EYA2: variants seen among roughly 807,000 people sequenced by gnomAD.
EYA2 encodes the protein protein phosphatase EYA2.
A neutral mutation model predicts 69.2 loss-of-function variants in EYA2; 31 were observed. The observed-to-expected ratio is 0.45, with a 90% CI of 0.34 to 0.60. The LOEUF (loss-of-function observed/expected upper bound fraction) is 0.60, where lower values mean the gene tolerates loss of function less well. Among genes scored for constraint, EYA2 ranks in the 20% least tolerant of loss-of-function variants. The pLI is 0.02. For missense variants in EYA2, 622 were observed against 701.2 expected (o/e 0.89, Z 1.28); for synonymous variants, 257 against 279.4 (o/e 0.92, Z 0.80).
At chr20:47,148,295 A>G (rs2033749878) in intron 10 of EYA2, among the ~76,000 whole-genome samples, 1 of 152,044 alleles carries the variant, frequency 6.6e-6, no homozygotes, top group Non-Finnish European at 1.5e-5. Flanking sequence ...CCCACCATCT[A>G]GGGCTGTAAG....
chr20:47,111,085 A>T (rs1048711236), intron 9 of EYA2, among the ~76,000 whole-genome samples: 1 of 152,360 alleles, frequency 6.6e-6, no homozygotes, highest in Non-Finnish European at 1.5e-5. Flanking sequence ...GCATTTTCCC[A>T]TTGACTCTGG....
chr20:47,091,027 A>G (rs1029203743), intron 8 of EYA2, among the ~76,000 whole-genome samples: 1 of 152,182 alleles, frequency 6.6e-6, no homozygotes, highest in Non-Finnish European at 1.5e-5. Flanking sequence ...CAGTTCAAGT[A>G]CACCAGCGTC....
intron 5 of EYA2, among the ~76,000 whole-genome samples, chr20:47,017,415 G>A (rs565207215): frequency 7.4e-4 from 113 of 152,234 alleles, no homozygotes; most frequent in Non-Finnish European, 1.1e-3. Context: ...ACAGCTGTGC[G>A]CTGCTGTACC....
At chr20:47,161,537 G>T (rs2034066066) in intron 10 of EYA2, 1 of 404,910 alleles carries the variant, frequency 2.5e-6, no homozygotes, top group Non-Finnish European at 4.8e-6. Context: ...CCAGCTTGGG[G>T]ATAGACGTCC....
rs113731599 is a variant in EYA2, at chr20:47,153,900, G to A, written c.978+10752G>A. ...AACTTGGCTGACTTTCCACTTCTTC[G>A]TCTGAACCAGATCTCAATAATAACT... On this transcript the variant is annotated intron_variant, in intron 10 of 15. Transcript: ENST00000327619. Among the ~76,000 whole-genome samples the A allele has an allele frequency of 1.9e-3, 292 of 152,068 alleles. 2 individuals are homozygous for A. Among genetic ancestry groups the A allele is most frequent in the African/African-American group, 6.8e-3 (282 of 41,536 alleles).
chr20:47,011,665 C>CT, intron 4 of EYA2, among the ~76,000 whole-genome samples: 1 of 151,960 alleles, frequency 6.6e-6, no homozygotes, highest in Non-Finnish European at 1.5e-5. Context: ...CCTTTGCTTC[C>CT]TTCAGGTCTT....
At chr20:46,984,912 A>G (rs1044648790) in intron 1 of EYA2, among the ~76,000 whole-genome samples, 2 of 152,236 alleles carry the variant, frequency 1.3e-5, no homozygotes, top group Non-Finnish European at 2.9e-5. Flanking sequence ...GTGGGTGTGC[A>G]GTATAGAATT....
At chr20:47,032,120 C>T (rs1442717367) in intron 5 of EYA2, among the ~76,000 whole-genome samples, 1 of 152,166 alleles carries the variant, frequency 6.6e-6, no homozygotes, top group Non-Finnish European at 1.5e-5. Flanking sequence ...AGAGGAGGCA[C>T]AGCCAGGACA....
chr20:47,143,280 A>G lies in EYA2; in HGVS notation c.978+132A>G, dbSNP rs563678714. On this transcript the variant is annotated intron_variant, in intron 10 of 15. Coordinates refer to ENST00000327619, the MANE Select transcript of EYA2 (RefSeq NM_005244.5). ...CTCCTTTTTCTTTTAGAAGCTTGAA[A>G]CTTTTGCTAACAACCCCCAAAAAGG... is the stretch of plus-strand genomic sequence containing the variant. 5.8e-4 allele frequency: 475 copies of G among 825,328 alleles called. 8 individuals are homozygous for G. The South Asian group carries it at 9.3e-3, about 16-fold the overall frequency. 51.1% of individuals were successfully genotyped at this position (825,328 alleles called of 1,614,324 possible). A position where few individuals can be genotyped will look rare whatever the true frequency, so the allele number is the denominator to read the frequency against.
At chr20:46,923,950 T>C (rs922723091) in intron 1 of EYA2, among the ~76,000 whole-genome samples, 2 of 152,158 alleles carry the variant, frequency 1.3e-5, no homozygotes, top group Non-Finnish European at 2.9e-5. Flanking sequence ...GAATCTTAAG[T>C]TGGTGCTGGA....
intron 5 of EYA2, among the ~76,000 whole-genome samples, chr20:47,059,918 C>G (rs920237424): frequency 6.0e-4 from 92 of 152,240 alleles, no homozygotes; most frequent in African/African-American, 2.2e-3. Context: ...ACTATTCTGT[C>G]TTCCTAGAGC....
In EYA2 at chr20:47,117,659, A is replaced by G. The variant is rs188046935; in HGVS notation, c.888+20491A>G. On this transcript the variant is annotated intron_variant, in intron 9 of 15. Coordinates refer to ENST00000327619, the MANE Select transcript of EYA2 (RefSeq NM_005244.5). Reference sequence around the variant, plus strand: ...TGAGAAGAAATAAAAAGAAAAAGAAAAAGAAAACCCGGTTTTATGACGCAG... The same window carrying G: ...TGAGAAGAAATAAAAAGAAAAAGAAGAAGAAAACCCGGTTTTATGACGCAG... 20 of 985,462 alleles carry G rather than the reference A, an allele frequency of 2.0e-5. No homozygotes were observed. The East Asian group carries it at 1.8e-3, about 89-fold the overall frequency. The allele number at this position is 985,462 out of a possible 1,614,324, so 61.0% of individuals were successfully genotyped here.
chr20:47,110,523 C>T (rs2032720596), intron 9 of EYA2, among the ~76,000 whole-genome samples: 1 of 152,178 alleles, frequency 6.6e-6, no homozygotes, highest in Non-Finnish European at 1.5e-5. Context: ...TGTCCGGCCG[C>T]TCCACTGCTC....
chr20:46,980,410 G>A (rs6124910), intron 1 of EYA2, among the ~76,000 whole-genome samples: 17,005 of 152,092 alleles, frequency 0.11, 1,541 homozygotes, highest in African/African-American at 0.24. Context: ...ATAATAAAAC[G>A]GTGTGGTTCG....
chr20:47,051,470 C>T (rs1214888578), intron 5 of EYA2, among the ~76,000 whole-genome samples: 5 of 152,172 alleles, frequency 3.3e-5, no homozygotes, highest in Admixed American at 1.3e-4. Flanking sequence ...AACAAGCCCC[C>T]GAGGCAGACA....
intron 12 of EYA2, among the ~76,000 whole-genome samples, chr20:47,173,734 T>G (rs771237582): frequency 2.0e-5 from 3 of 152,090 alleles, no homozygotes; most frequent in Non-Finnish European, 2.9e-5. Context: ...GAATCTGCAT[T>G]TTTGACAAGC....
At chr20:46,989,027 C>T (rs747266633) in intron 1 of EYA2, among the ~76,000 whole-genome samples, 3 of 151,990 alleles carry the variant, frequency 2.0e-5, no homozygotes, top group Non-Finnish European at 4.4e-5. Context: ...GGAGTGACTA[C>T]CAACATGGTG....
intron 9 of EYA2, among the ~76,000 whole-genome samples, chr20:47,100,201 T>C (rs2032385214): frequency 1.3e-5 from 2 of 152,268 alleles, no homozygotes; most frequent in African/African-American, 4.8e-5. Context: ...GATATTTCTC[T>C]TTGGCCCCCA....
chr20:47,042,147 C>T (rs1312430654), intron 5 of EYA2, among the ~76,000 whole-genome samples: 1 of 152,106 alleles, frequency 6.6e-6, no homozygotes, highest in Non-Finnish European at 1.5e-5. Flanking sequence ...TCCAGGTGCT[C>T]CCTCATTAAT....
Sources: allele counts gnomAD v4.1 joint callset (sites outside exome capture counted in the v4.1 genomes callset), GRCh38; gene constraint gnomAD v4.1.1; transcripts MANE v1.5; gene names NCBI Gene and HGNC (gene_info 2026-07-23, HGNC 2026-07-21).